Variants in LEPR observed in about 807,000 individuals in gnomAD.
LEPR encodes leptin receptor, also known as OB receptor.
In LEPR, 56 loss-of-function variants were observed where a neutral mutation model predicts 114.7. That is an observed-to-expected ratio of 0.49 (90% confidence interval 0.39 to 0.61). LEPR has a LOEUF of 0.61. LEPR is among the 20% of genes least tolerant of loss of function. The pLI is 0.00. For missense variants in LEPR, 1,202 were observed against 1,352.9 expected (o/e 0.89, Z 1.75); for synonymous variants, 443 against 461.4 (o/e 0.96, Z 0.51).
At chr1:65,600,308 G>T (rs1347268250) in intron 8 of LEPR, among the ~76,000 whole-genome samples, 1 of 151,954 alleles carries the variant, frequency 6.6e-6, no homozygotes, top group African/African-American at 2.4e-5. Flanking sequence ...AAATCTAATG[G>T]TCTGGCTCCT....
chr1:65,458,264 T>C (rs1415191374), intron 2 of LEPR, among the ~76,000 whole-genome samples: 1 of 152,222 alleles, frequency 6.6e-6, no homozygotes, highest in Non-Finnish European at 1.5e-5. Context: ...CCTTCATTTA[T>C]TCCTTCTCAA....
chr1:65,623,207 T>C (rs1657991608), intron 19 of LEPR: 2 of 508,474 alleles, frequency 3.9e-6, no homozygotes, highest in South Asian at 4.6e-5. Flanking sequence ...GTTCACAATA[T>C]ACATATGTTG....
intron 2 of LEPR, chr1:65,432,750 G>C (rs1204724879): frequency 1.8e-6 from 1 of 557,770 alleles, no homozygotes; most frequent in Non-Finnish European, 2.3e-6. Flanking sequence ...CACTTGCACA[G>C]CATGCTAAAT....
At chr1:65,445,953 C>T (rs1440865994) in intron 2 of LEPR, among the ~76,000 whole-genome samples, 1 of 152,064 alleles carries the variant, frequency 6.6e-6, no homozygotes, top group East Asian at 1.9e-4. Flanking sequence ...AATTTTAAAT[C>T]TTTTTTAGGA....
Position 65,618,003 on chromosome 1 carries a change from G to A in LEPR, c.2252G>A (p.Ser751Asn). The A allele has an allele frequency of 1.9e-6, 3 of 1,612,844 alleles. No individual in the cohort carries two copies. The highest frequency in any genetic ancestry group is 2.2e-5 in the East Asian group (1 of 44,758). ...TCACTCAGTGCTTATCCTTTAAACAGCAGTTGTGTGATTGTTTCCTGGATA... is the reference window on the plus strand; with the variant it reads ...TCACTCAGTGCTTATCCTTTAAACAACAGTTGTGTGATTGTTTCCTGGATA... Reference protein sequence around the residue: ...VQSLSAYPLNSSCVIVSWILS... With the variant: ...VQSLSAYPLNNSCVIVSWILS... The change falls in exon 16 of 20, where the codon AGC becomes AAC. Residue 751 changes from serine to asparagine, a missense_variant. By Grantham distance (46) the Ser-to-Asn change is conservative (BLOSUM62 1). Coordinates refer to ENST00000349533, the MANE Select transcript of LEPR (RefSeq NM_002303.6).
At chr1:65,422,439 C>T (rs1646269352) in intron 1 of LEPR, among the ~76,000 whole-genome samples, 1 of 152,214 alleles carries the variant, frequency 6.6e-6, no homozygotes, top group African/African-American at 2.4e-5. Flanking sequence ...ACCTTGATTT[C>T]AGAAGTCCAG....
intron 2 of LEPR, among the ~76,000 whole-genome samples, chr1:65,476,316 T>A (rs1647159336): frequency 6.6e-6 from 1 of 151,974 alleles, no homozygotes; most frequent in African/African-American, 2.4e-5. Flanking sequence ...ATGAACATGC[T>A]TTTAGTGGTG....
chr1:65,530,648 C>G (rs1044770521), intron 2 of LEPR, among the ~76,000 whole-genome samples: 1 of 152,316 alleles, frequency 6.6e-6, no homozygotes, highest in East Asian at 1.9e-4. Context: ...CCAGACGTCA[C>G]TCTCGTCATC....
chr1:65,570,501 C>A lies in LEPR; in HGVS notation c.69C>A (p.Asn23Lys), dbSNP rs758614103. Residue 23 changes from asparagine (N) to lysine (K), a missense_variant, in exon 4 of 20, where the codon AAC becomes AAA. Asn to Lys is a moderately conservative substitution (Grantham distance 94). Transcript: ENST00000349533. ...WEFIYVITAF[N>K]LSYPITPWRF... ...TTATTTATGTGATAACTGCGTTTAACTTGTCATATCCAATTACTCCTTGGA... is the reference window on the plus strand; with the variant it reads ...TTATTTATGTGATAACTGCGTTTAAATTGTCATATCCAATTACTCCTTGGA... The A allele has an allele frequency of 6.2e-6, 10 of 1,613,752 alleles. No individual in the cohort carries two copies. The highest frequency in any genetic ancestry group is 6.8e-6 in the Non-Finnish European group (8 of 1,179,904).
intron 18 of LEPR, among the ~76,000 whole-genome samples, chr1:65,622,133 G>T (rs543829558): frequency 1.9e-4 from 29 of 152,172 alleles, no homozygotes; most frequent in African/African-American, 6.3e-4. Flanking sequence ...CTTCAAGGAA[G>T]AATTTAGTTT....
intron 2 of LEPR, among the ~76,000 whole-genome samples, chr1:65,495,624 A>G (rs1213600397): frequency 6.6e-6 from 1 of 152,212 alleles, no homozygotes; most frequent in Non-Finnish European, 1.5e-5. Flanking sequence ...TGCTATTCAC[A>G]ATAGACAAGA....
At chr1:65,469,338 G>T (rs78774785) in intron 2 of LEPR, among the ~76,000 whole-genome samples, 3,496 of 152,294 alleles carry the variant, frequency 0.023, 79 homozygotes, top group South Asian at 0.09. Context: ...AGAGCTAAGA[G>T]CACAAGCAAA....
intron 2 of LEPR, among the ~76,000 whole-genome samples, chr1:65,451,839 A>G (rs1011869554): frequency 6.6e-6 from 1 of 151,904 alleles, no homozygotes; most frequent in Non-Finnish European, 1.5e-5. Context: ...CTTGATGGGT[A>G]TGGCATTGAA....
At chr1:65,523,099 C>T (rs951203748) in intron 2 of LEPR, among the ~76,000 whole-genome samples, 2 of 152,118 alleles carry the variant, frequency 1.3e-5, no homozygotes, top group East Asian at 1.9e-4. Flanking sequence ...CCTTCTCACT[C>T]GGAGCACAGT....
intron 2 of LEPR, among the ~76,000 whole-genome samples, chr1:65,516,539 C>T (rs542571373): frequency 6.6e-6 from 1 of 152,320 alleles, no homozygotes; most frequent in South Asian, 2.1e-4. Context: ...TTGCCATTTA[C>T]TCAAATAAGC....
At chr1:65,553,364 G>A (rs940378870) in intron 2 of LEPR, among the ~76,000 whole-genome samples, 3 of 152,074 alleles carry the variant, frequency 2.0e-5, no homozygotes, top group African/African-American at 7.2e-5. Flanking sequence ...ATCAAACATA[G>A]GTTTGGTCTT....
chr1:65,583,744 T>G lies in LEPR; in HGVS notation c.495-8913T>G, dbSNP rs1314833440. ...AGATATATGAAAAGATAGGAAAATG[T>G]GACCCATAACCAAGAGAAAAAGAAA... On this transcript the variant is annotated intron_variant, in intron 5 of 19. Coordinates refer to ENST00000349533, the MANE Select transcript of LEPR (RefSeq NM_002303.6). Among the ~76,000 whole-genome samples the G allele has an allele frequency of 2.0e-5, 3 of 152,150 alleles. No individual in the cohort carries two copies. In the South Asian group the frequency reaches 6.2e-4, roughly 32 times the overall value.
chr1:65,451,164 A>G (rs1189322152), intron 2 of LEPR, among the ~76,000 whole-genome samples: 2 of 152,080 alleles, frequency 1.3e-5, no homozygotes, highest in Non-Finnish European at 2.9e-5. Flanking sequence ...TTCATTGTAG[A>G]TTCTGGATAT....
intron 2 of LEPR, among the ~76,000 whole-genome samples, chr1:65,456,835 A>C (rs781015294): frequency 6.6e-6 from 1 of 151,590 alleles, no homozygotes; most frequent in Non-Finnish European, 1.5e-5. Context: ...ATTAATACCT[A>C]CTCTATTTGT....
Sources: gnomAD v4.1 joint callset for allele counts (sites outside exome capture counted in the v4.1 genomes callset) on GRCh38, gnomAD v4.1.1 for gene constraint, MANE v1.5 for transcripts, NCBI Gene and HGNC (gene_info 2026-07-23, HGNC 2026-07-21) for gene names.